The following WFDC1 variants were observed in gnomAD, a reference collection of about 807,000 sequenced individuals.
WFDC1 encodes the protein WAP four-disulfide core domain protein 1.
WFDC1 carries 39 observed loss-of-function variants against 32.9 expected under a neutral mutation model. The observed-to-expected ratio is 1.19, with a 90% CI of 0.92 to 1.55. The LOEUF (loss-of-function observed/expected upper bound fraction) is 1.55. Among genes scored for constraint, WFDC1 ranks in the 40% most tolerant of loss-of-function variants. The pLI is 0.00. For missense variants in WFDC1, 386 were observed against 309.5 expected (o/e 1.25, Z -1.85); for synonymous variants, 184 against 137.4 (o/e 1.34, Z -2.37).
chr16:84,304,815 C>T (rs543709140), intron 1 of WFDC1, among the ~76,000 whole-genome samples: 6 of 152,254 alleles, frequency 3.9e-5, no homozygotes, highest in African/African-American at 1.2e-4. Context: ...GGGGCCAGGA[C>T]AAATGTGTAC....
intron 2 of WFDC1, among the ~76,000 whole-genome samples, chr16:84,314,489 C>T (rs909218329): frequency 6.6e-6 from 1 of 152,042 alleles, no homozygotes; most frequent in Non-Finnish European, 1.5e-5. Flanking sequence ...GAAGGCGGCT[C>T]GAGAAGGTGG....
At chr16:84,311,156 C>A (rs1907591853) in intron 1 of WFDC1, among the ~76,000 whole-genome samples, 1 of 151,970 alleles carries the variant, frequency 6.6e-6, no homozygotes, top group African/African-American at 2.4e-5. Flanking sequence ...GGGCAGTTTG[C>A]CTGGTGGCTT....
At chr16:84,296,589 A>G (rs1906610675) in intron 1 of WFDC1, among the ~76,000 whole-genome samples, 1 of 152,158 alleles carries the variant, frequency 6.6e-6, no homozygotes, top group African/African-American at 2.4e-5. Flanking sequence ...CTGAAACTGT[A>G]TTGAGACAAA....
intron 1 of WFDC1, 65 bp downstream of exon 1, chr16:84,295,180 C>T (rs902441828): frequency 1.9e-5 from 30 of 1,581,148 alleles, no homozygotes; most frequent in East Asian, 4.5e-5. Context: ...TGAGGAGAGG[C>T]GATCCCTAGA....
At chr16:84,325,469 C>G (rs1908536039) in intron 5 of WFDC1, among the ~76,000 whole-genome samples, 1 of 151,996 alleles carries the variant, frequency 6.6e-6, no homozygotes, top group African/African-American at 2.4e-5. Context: ...TCCCAAAGTG[C>G]TAGATTTACA....
intron 2 of WFDC1, chr16:84,316,821 T>G (rs1265681411): frequency 6.6e-6 from 1 of 151,440 alleles, no homozygotes; most frequent in African/African-American, 2.4e-5. Flanking sequence ...CTACTAAAAA[T>G]ACAAAAATTA....
chr16:84,309,100 G>A (rs1188543849), intron 1 of WFDC1, among the ~76,000 whole-genome samples: 1 of 152,198 alleles, frequency 6.6e-6, no homozygotes, highest in Non-Finnish European at 1.5e-5. Context: ...CGCTCTGGTT[G>A]CCCGTCTGCT....
At chr16:84,315,373 C>T (rs969974356) in intron 2 of WFDC1, among the ~76,000 whole-genome samples, 1 of 152,158 alleles carries the variant, frequency 6.6e-6, no homozygotes, top group Non-Finnish European at 1.5e-5. Flanking sequence ...CTGTTCTCTC[C>T]CCACTTGAAG....
At chr16:84,305,966 G>A (rs1907225919) in intron 1 of WFDC1, among the ~76,000 whole-genome samples, 1 of 151,724 alleles carries the variant, frequency 6.6e-6, no homozygotes, top group Admixed American at 6.6e-5. Context: ...TCGTGCCCTT[G>A]CACTCCAGCC....
intron 1 of WFDC1, among the ~76,000 whole-genome samples, chr16:84,306,934 A>G (rs953743602): frequency 6.6e-6 from 1 of 152,186 alleles, no homozygotes; most frequent in Non-Finnish European, 1.5e-5. Flanking sequence ...AGTTCATAAT[A>G]CACAGTCCAC....
chr16:84,312,635 C>A (rs1297344293), intron 1 of WFDC1, among the ~76,000 whole-genome samples: 2 of 151,976 alleles, frequency 1.3e-5, no homozygotes, highest in Admixed American at 6.6e-5. Flanking sequence ...CACATATATA[C>A]CACATATATT....
intron 3 of WFDC1, 50 bp from the exon 4 acceptor site, chr16:84,319,381 C>T (rs763037218): frequency 1.3e-6 from 2 of 1,593,002 alleles, no homozygotes; most frequent in Non-Finnish European, 8.5e-7. Context: ...AGCATGTGCA[C>T]CTGTCCTGGG....
chr16:84,324,595 A>G (rs1267172013), intron 5 of WFDC1, 135 bp downstream of exon 5: 7 of 961,150 alleles, frequency 7.3e-6, no homozygotes, highest in Non-Finnish European at 3.1e-6. Flanking sequence ...AAGAAACAAA[A>G]TAGAAGACCT....
At chr16:84,309,128 C>T (rs1243448414) in intron 1 of WFDC1, among the ~76,000 whole-genome samples, 1 of 152,182 alleles carries the variant, frequency 6.6e-6, no homozygotes, top group African/African-American at 2.4e-5. Flanking sequence ...ATGAGACAAG[C>T]TCAGCTGGAG....
intron 1 of WFDC1, chr16:84,297,085 C>T (rs989312666): frequency 2.0e-5 from 3 of 152,210 alleles, no homozygotes; most frequent in Non-Finnish European, 4.4e-5. Context: ...CCCAAGATGT[C>T]ATAGGAGCCA....
chr16:84,326,780 G>C, intron 5 of WFDC1, 102 bp from the exon 6 acceptor site: 1 of 1,412,418 alleles, frequency 7.1e-7, no homozygotes, highest in South Asian at 1.2e-5. Flanking sequence ...GGAGGAGAGG[G>C]CCAGGTCACC....
intron 1 of WFDC1, among the ~76,000 whole-genome samples, chr16:84,308,904 C>T (rs1262837435): frequency 1.3e-5 from 2 of 152,052 alleles, no homozygotes; most frequent in African/African-American, 4.8e-5. Flanking sequence ...TGGGTGTAGA[C>T]ACCAGCCTGG....
At chr16:84,325,352 G>A (rs12924060) in intron 5 of WFDC1, among the ~76,000 whole-genome samples, 19,032 of 151,984 alleles carry the variant, frequency 0.13, 1,202 homozygotes, top group East Asian at 0.17. Context: ...ACAGGTGTCC[G>A]CCACCATACC....
At chr16:84,315,768 T>C (rs1057108526) in intron 2 of WFDC1, among the ~76,000 whole-genome samples, 1 of 152,240 alleles carries the variant, frequency 6.6e-6, no homozygotes, top group Non-Finnish European at 1.5e-5. Context: ...TCGCTCTGCA[T>C]TGAGAAACAC....
Sources: allele counts gnomAD v4.1 joint callset (sites outside exome capture counted in the v4.1 genomes callset), GRCh38; gene constraint gnomAD v4.1.1; transcripts MANE v1.5; gene names NCBI Gene and HGNC (gene_info 2026-07-23, HGNC 2026-07-21).